The following SLC25A21 variants were observed in gnomAD, a reference collection of about 807,000 sequenced individuals.
The protein encoded by SLC25A21 is mitochondrial 2-oxodicarboxylate carrier.
SLC25A21 carries 47 observed loss-of-function variants against 43.8 expected under a neutral mutation model. The observed-to-expected ratio is 1.07, with a 90% confidence interval of 0.85 to 1.37. The LOEUF is 1.37. Among genes scored for constraint, SLC25A21 ranks in the 40% most tolerant of loss-of-function variants. SLC25A21 has a pLI of 0.00. For missense variants in SLC25A21, 352 were observed against 350.2 expected, an observed-to-expected ratio of 1.00 and a Z score of -0.04; for synonymous variants, 131 against 121.3, an observed-to-expected ratio of 1.08 and a Z score of -0.52.
chr14:37,018,035 T>C (rs1594754535), intron 1 of SLC25A21, among the ~76,000 whole-genome samples: 1 of 151,878 alleles, frequency 6.6e-6, no homozygotes, highest in African/African-American at 2.4e-5. Flanking sequence ...ATGACATATA[T>C]GGAAATTGAT....
chr14:36,737,739 A>G (rs192416959), intron 3 of SLC25A21, among the ~76,000 whole-genome samples: 236 of 152,290 alleles, frequency 1.5e-3, no homozygotes, highest in Non-Finnish European at 2.9e-3. Flanking sequence ...TGTAACATAT[A>G]AAACTAGGAT....
At chr14:36,748,102 A>T (rs1370642263) in intron 3 of SLC25A21, among the ~76,000 whole-genome samples, 2 of 152,228 alleles carry the variant, frequency 1.3e-5, no homozygotes, top group African/African-American at 4.8e-5. Flanking sequence ...TAAGTGATGG[A>T]GTTAGGACAA....
intron 1 of SLC25A21, among the ~76,000 whole-genome samples, chr14:37,017,580 G>T (rs1002622815): frequency 7.9e-5 from 12 of 152,146 alleles, no homozygotes; most frequent in Non-Finnish European, 1.6e-4. Context: ...CTGGGAAAAT[G>T]GTGCCAATAG....
intron 3 of SLC25A21, among the ~76,000 whole-genome samples, chr14:36,742,886 C>T (rs1885328190): frequency 6.6e-6 from 1 of 152,152 alleles, no homozygotes; most frequent in African/African-American, 2.4e-5. Flanking sequence ...TCATTATACG[C>T]TGTATGGAGG....
intron 1 of SLC25A21, among the ~76,000 whole-genome samples, chr14:37,127,640 T>C (rs764628400): frequency 2.0e-5 from 3 of 152,204 alleles, no homozygotes; most frequent in Admixed American, 6.5e-5. Context: ...ATCCAATCCC[T>C]TCATTGATCG....
chr14:37,160,021 T>C (rs1327760044), intron 1 of SLC25A21, among the ~76,000 whole-genome samples: 1 of 152,176 alleles, frequency 6.6e-6, no homozygotes, highest in Admixed American at 6.5e-5. Flanking sequence ...TGAGATATCA[T>C]CTCTACCCAG....
intron 3 of SLC25A21, among the ~76,000 whole-genome samples, chr14:36,737,442 C>T (rs936166890): frequency 1.3e-5 from 2 of 152,054 alleles, no homozygotes; most frequent in Non-Finnish European, 2.9e-5. Context: ...CTTTCATGTG[C>T]GATCGTTCCC....
intron 1 of SLC25A21, among the ~76,000 whole-genome samples, chr14:37,133,142 T>TGC (rs954533175): frequency 2.9e-5 from 3 of 105,168 alleles, no homozygotes; most frequent in South Asian, 6.8e-4. Context: ...TGTGCACTCG[T>TGC]GCACACACAC....
At chr14:36,747,290 T>A (rs1156252924) in intron 3 of SLC25A21, among the ~76,000 whole-genome samples, 1 of 152,192 alleles carries the variant, frequency 6.6e-6, no homozygotes, top group African/African-American at 2.4e-5. Context: ...CCACACTCTT[T>A]GGCCTTAAAT....
chr14:36,886,130 T>G (rs1321773847), intron 1 of SLC25A21, among the ~76,000 whole-genome samples: 2 of 152,122 alleles, frequency 1.3e-5, no homozygotes, highest in African/African-American at 4.8e-5. Context: ...GCTCTAGTAG[T>G]CAAGCAAATC....
chr14:37,024,969 A>G (rs1019573236), intron 1 of SLC25A21, among the ~76,000 whole-genome samples: 27 of 152,182 alleles, frequency 1.8e-4, no homozygotes, highest in African/African-American at 6.3e-4. Context: ...AATAACTAAA[A>G]AAGATACACT....
intron 1 of SLC25A21, among the ~76,000 whole-genome samples, chr14:37,133,789 T>C (rs927052744): frequency 2.0e-5 from 3 of 152,174 alleles, no homozygotes; most frequent in Non-Finnish European, 4.4e-5. Context: ...CCACTACAAG[T>C]GCTACTTCCT....
intron 1 of SLC25A21, among the ~76,000 whole-genome samples, chr14:36,932,163 A>G (rs1398566928): frequency 6.6e-6 from 1 of 152,180 alleles, no homozygotes; most frequent in Non-Finnish European, 1.5e-5. Context: ...AAATTTGACT[A>G]TGTGGTAATT....
intron 7 of SLC25A21, among the ~76,000 whole-genome samples, chr14:36,696,818 G>A (rs1020531370): frequency 3.3e-5 from 5 of 151,824 alleles, no homozygotes; most frequent in Admixed American, 6.6e-5. Context: ...TATTAGTCTT[G>A]CTAGCCGTAC....
At chr14:36,964,081 A>G (rs1029496694) in intron 1 of SLC25A21, among the ~76,000 whole-genome samples, 12 of 152,214 alleles carry the variant, frequency 7.9e-5, no homozygotes, top group Admixed American at 3.9e-4. Context: ...ATATTTTTAA[A>G]TGAATATAGT....
chr14:37,012,820 AAT>A (rs1960761548), intron 1 of SLC25A21, among the ~76,000 whole-genome samples: 1 of 152,182 alleles, frequency 6.6e-6, no homozygotes, highest in Non-Finnish European at 1.5e-5. Flanking sequence ...CACCACAAAG[AAT>A]CCACAGTGCG....
At chr14:36,916,105 T>A (rs1048867809) in intron 1 of SLC25A21, among the ~76,000 whole-genome samples, 10 of 152,172 alleles carry the variant, frequency 6.6e-5, no homozygotes, top group Non-Finnish European at 1.3e-4. Context: ...GTTTTCAGAT[T>A]AAAAATAACA....
intron 1 of SLC25A21, among the ~76,000 whole-genome samples, chr14:36,992,363 C>T (rs1246932480): frequency 6.6e-6 from 1 of 152,082 alleles, no homozygotes. Context: ...TATGATTGTG[C>T]CACTGCACTC....
At chr14:36,977,195 T>C (rs898914625) in intron 1 of SLC25A21, among the ~76,000 whole-genome samples, 20 of 152,340 alleles carry the variant, frequency 1.3e-4, no homozygotes, top group African/African-American at 4.8e-5. Flanking sequence ...TGGGGATCTA[T>C]GGCCTAATCT....
Sources: allele counts gnomAD v4.1 joint callset (sites outside exome capture counted in the v4.1 genomes callset), GRCh38; gene constraint gnomAD v4.1.1; transcripts MANE v1.5; gene names NCBI Gene and HGNC (gene_info 2026-07-23, HGNC 2026-07-21).